PFKM: variants seen among roughly 807,000 people sequenced by gnomAD.
The protein encoded by PFKM is phosphofructokinase, muscle, also known as ATP-dependent 6-phosphofructokinase, muscle type.
In PFKM, 58 loss-of-function variants were observed where a neutral mutation model predicts 95.5. The ratio of observed to expected loss-of-function variants is 0.61; its 90% confidence interval spans 0.49 to 0.76. The LOEUF is 0.76. Among genes scored for constraint, PFKM ranks in the 30% least tolerant of loss-of-function variants. The probability of loss-of-function intolerance (pLI) is 0.00; values close to 1 mark genes in which losing one functional copy is unlikely to be tolerated. For synonymous variants in PFKM, 336 were observed against 357.2 expected, an observed-to-expected ratio of 0.94 and a Z score of 0.67; for missense variants, 678 against 1,005.4, an observed-to-expected ratio of 0.67 and a Z score of 4.40.
chr12:48,131,195 G>A (rs1033587760), intron 3 of PFKM, 121 bp from the exon 4 acceptor site: 1 of 756,388 alleles, frequency 1.3e-6, no homozygotes, highest in Non-Finnish European at 2.4e-6. Flanking sequence ...CGAGCATCCA[G>A]GACTCACTAA....
At chr12:48,141,666 C>A in intron 15 of PFKM, 74 bp from the exon 16 acceptor site, 1 of 1,128,322 alleles carries the variant, frequency 8.9e-7, no homozygotes, top group Non-Finnish European at 1.4e-6. Flanking sequence ...TCTAGCTTTT[C>A]TCCCCCTCAA....
At chr12:48,132,271 T>A (rs1277218332) in intron 4 of PFKM, 1 of 331,940 alleles carries the variant, frequency 3.0e-6, no homozygotes, top group African/African-American at 2.2e-5. Context: ...TATAGATACC[T>A]CTCTTGGGGT....
upstream of PFKM, chr12:48,105,899 G>T (rs1218979731): frequency 3.2e-6 from 2 of 623,158 alleles, no homozygotes; most frequent in East Asian, 5.5e-5. Flanking sequence ...CAGAGGAAAA[G>T]GCGCCGGCCC....
rs1950983081 is a variant in PFKM, at chr12:48,145,639, C to G, written c.2274C>G (p.Asp758Glu). The G allele has an allele frequency of 6.2e-6, 10 of 1,614,142 alleles. No individual in the cohort carries two copies. Among genetic ancestry groups the G allele is most frequent in the Non-Finnish European group, 8.5e-6 (10 of 1,180,012 alleles). Residue 758 changes from aspartate (D) to glutamate (E), a missense_variant, in exon 23 of 23, where the codon GAC (aspartate) becomes GAG (glutamate). Coordinates refer to ENST00000359794, the MANE Select transcript of PFKM (RefSeq NM_000289.6). This position sits in a 1 kb window ranked among gnomAD's most constrained non-coding sequence, Gnocchi z 4.3. Reference protein sequence around the residue: ...ILKILAKYEIDLDTSDHAHLE... With the variant: ...ILKILAKYEIELDTSDHAHLE... ...AAATCCTAGCCAAGTACGAGATTGA[C>G]TTGGACACTTCAGACCATGCCCACC...
intron 2 of PFKM, among the ~76,000 whole-genome samples, chr12:48,124,947 T>C (rs983020378): frequency 1.3e-5 from 2 of 152,150 alleles, no homozygotes; most frequent in Non-Finnish European, 1.5e-5. Context: ...TTTGTTTTGT[T>C]TTTTTTCCCT....
chr12:48,132,979 G>T lies in PFKM; in HGVS notation c.349G>T (p.Gly117Trp). 6.2e-7 allele frequency: 1 copy of T among 1,614,104 alleles called. No homozygotes were observed. The highest frequency in any genetic ancestry group is 8.5e-7 in the Non-Finnish European group (1 of 1,179,976). The change falls in exon 5 of 23, where the codon GGG becomes TGG. Residue 117 changes from glycine (G) to tryptophan (W), a missense_variant. Coordinates refer to ENST00000359794, the MANE Select transcript of PFKM (RefSeq NM_000289.6). ...KRGITNLCVIGGDGSLTGADT... is the reference protein window; with the variant it reads ...KRGITNLCVIWGDGSLTGADT... ...TGGGATCACCAATCTCTGTGTCATT[G>T]GGGGTGATGGCAGCCTCACTGGGGC... is the stretch of plus-strand genomic sequence containing the variant.
At position 48,145,820 on chromosome 12, in the gene PFKM, C is replaced by G; in HGVS notation, c.*112C>G. ...TTTTTTCATTAGGTTTCCTTTTATT[C>G]TGTACCTTGCAGCCATGACCAGTTC... On this transcript the variant is annotated 3_prime_UTR_variant, in exon 23 of 23. Coordinates refer to ENST00000359794, the MANE Select transcript of PFKM (RefSeq NM_000289.6). The surrounding 1 kb of genome is among the most constrained non-coding windows in gnomAD (Gnocchi z 4.3). The G allele has an allele frequency of 2.4e-6, 3 of 1,235,806 alleles. No individual in the cohort carries two copies. The highest frequency in any genetic ancestry group is 1.8e-5 in the Admixed American group (1 of 55,226). The allele number at this position is 1,235,806 out of a possible 1,614,324, so 76.6% of individuals were successfully genotyped here.
chr12:48,106,452 A>C, intron 1 of PFKM: 1 of 382,506 alleles, frequency 2.6e-6, no homozygotes. Flanking sequence ...AATCTGCGGA[A>C]ACCTGTGGCT....
In PFKM at chr12:48,140,738, T is replaced by C. The variant is rs925957626; in HGVS notation, c.1208T>C (p.Val403Ala). ...PPVSKSGSHT[V>A]AVMNVGAPAA... is the part of the protein sequence containing the mutation. ...CCTGTATAGAGTGGTTCGCACACAG[T>C]GGCTGTGATGAACGTGGGGGCTCCG... The change falls in exon 14 of 23, where the codon GTG becomes GCG. Residue 403 changes from valine to alanine, a missense_variant. Val to Ala is a moderately conservative substitution (Grantham distance 64). Coordinates refer to ENST00000359794, the MANE Select transcript of PFKM (RefSeq NM_000289.6). 15 of 1,614,212 alleles carry C rather than the reference T, an allele frequency of 9.3e-6. No homozygotes were observed. In the Admixed American group the frequency reaches 1.3e-4, roughly 14 times the overall value.
chr12:48,135,177 A>G, intron 9 of PFKM, 114 bp from the exon 10 acceptor site: 1 of 1,152,036 alleles, frequency 8.7e-7, no homozygotes, highest in East Asian at 2.4e-5. Flanking sequence ...GCCTCCCACA[A>G]AGAACCATTA....
chr12:48,111,456 G>A (rs1340776843), intron 3 of PFKM, among the ~76,000 whole-genome samples: 1 of 152,226 alleles, frequency 6.6e-6, no homozygotes, highest in Non-Finnish European at 1.5e-5. Context: ...GCATGGTGGT[G>A]CAGGATATGG....
chr12:48,135,350 G>T lies in PFKM; in HGVS notation c.903G>T (p.Arg301Ser). ...TTACTGTCTTGGGGCATGTGCAGAG[G>T]GGTGGGACGCCATCAGCCTTTGACA... ...TRVTVLGHVQRGGTPSAFDRI... is the reference protein window; with the variant it reads ...TRVTVLGHVQSGGTPSAFDRI... Residue 301 changes from arginine (R) to serine (S), a missense_variant, in exon 10 of 23, where the codon AGG becomes AGT. Transcript: ENST00000359794. 1.9e-6 allele frequency: 3 copies of T among 1,614,152 alleles called. No individual in the cohort carries two copies. The highest frequency in any genetic ancestry group is 2.5e-6 in the Non-Finnish European group (3 of 1,179,972).
intron 4 of PFKM, 131 bp from the exon 5 acceptor site, chr12:48,132,737 C>A (rs1372441755): frequency 1.0e-5 from 8 of 771,060 alleles, no homozygotes; most frequent in African/African-American, 3.4e-5. Flanking sequence ...AGGGACAGAT[C>A]ACTCTTAAGG....
chr12:48,107,214 A>G (rs1362092964), intron 1 of PFKM, among the ~76,000 whole-genome samples: 2 of 152,150 alleles, frequency 1.3e-5, no homozygotes, highest in African/African-American at 4.8e-5. Flanking sequence ...ATCAAAGTAG[A>G]TTATTTGTAT....
At chr12:48,140,939 C>T (rs773424909) in intron 14 of PFKM, 68 bp downstream of exon 14, 17 of 1,545,950 alleles carry the variant, frequency 1.1e-5, no homozygotes, top group Non-Finnish European at 1.5e-5. Flanking sequence ...ATGACCTGTC[C>T]ATTCTCTTGG....
Position 48,137,767 on chromosome 12 carries a change from C to T in PFKM, c.983C>T (p.Thr328Ile). ...VEAVMALLEG[T>I]PDTPACVVSL... ...GCAGTGATGGCACTTTTGGAGGGGA[C>T]CCCAGATACCCCAGCCTGTGTAGTG... Residue 328 changes from threonine (T) to isoleucine (I), a missense_variant, in exon 11 of 23, where the codon ACC becomes ATC. Coordinates refer to ENST00000359794, the MANE Select transcript of PFKM (RefSeq NM_000289.6). 1 of 1,614,012 alleles carries T rather than the reference C, an allele frequency of 6.2e-7. No individual in the cohort carries two copies. Among genetic ancestry groups the T allele is most frequent in the Non-Finnish European group, 8.5e-7 (1 of 1,179,922 alleles).
At chr12:48,128,534 A>G (rs965167861) in intron 2 of PFKM, among the ~76,000 whole-genome samples, 4 of 152,182 alleles carry the variant, frequency 2.6e-5, no homozygotes, top group Non-Finnish European at 1.5e-5. Flanking sequence ...TGCCTAGCAT[A>G]GTGCCTGAAA....
rs762637696 is a variant in PFKM, at chr12:48,139,368, G to T, written c.1127+19G>T. 11 of 1,599,268 alleles carry T rather than the reference G, an allele frequency of 6.9e-6. No individual in the cohort carries two copies. The African/African-American group carries it at 1.5e-4, about 21-fold the overall frequency. On this transcript the variant is annotated intron_variant, in intron 12 of 22. Transcript: ENST00000359794. ...GAGGCCGGTGAGGAGATGACGGGAAGCTCACTAGCTACAGAAATCAGAGGC... is the reference window on the plus strand; with the variant it reads ...GAGGCCGGTGAGGAGATGACGGGAATCTCACTAGCTACAGAAATCAGAGGC...
rs1253041063 is a variant in PFKM at position 48,146,357 on chromosome 12, C to A, written c.*649C>A. ...ATAAGGCAGCCAAATACTCTTTGCA[C>A]AGTTCTTTAGTGGGAAGAGAAATTA... On this transcript the variant is annotated 3_prime_UTR_variant, in exon 23 of 23. Coordinates refer to ENST00000359794, the MANE Select transcript of PFKM (RefSeq NM_000289.6). The A allele has an allele frequency of 6.5e-6, 1 of 154,426 alleles. No homozygotes were observed. The highest frequency in any genetic ancestry group is 1.4e-5 in the Non-Finnish European group (1 of 69,504). The allele number at this position is 154,426 out of a possible 1,614,324, so 9.6% of individuals were successfully genotyped here. A position where few individuals can be genotyped will look rare whatever the true frequency, so the allele number is the denominator to read the frequency against.
Sources: allele counts gnomAD v4.1 joint callset (sites outside exome capture counted in the v4.1 genomes callset), GRCh38; gene constraint gnomAD v4.1.1; non-coding constraint Gnocchi (gnomAD v3.1); transcripts MANE v1.5; gene names NCBI Gene and HGNC (gene_info 2026-07-23, HGNC 2026-07-21).